DYM: variants seen among roughly 807,000 people sequenced by gnomAD.
DYM encodes the protein dyggve-Melchior-Clausen syndrome protein.
Under a neutral mutation model 93.1 loss-of-function variants are expected in DYM, and 78 were observed. The observed-to-expected ratio is 0.84, with a 90% CI of 0.70 to 1.01. The LOEUF is 1.01. DYM is among the 50% of genes least tolerant of loss of function. The probability of loss-of-function intolerance (pLI) is 0.00; values close to 1 mark genes in which losing one functional copy is unlikely to be tolerated. For missense variants in DYM, 789 were observed against 845.0 expected, an observed-to-expected ratio of 0.93 and a Z score of 0.82; for synonymous variants, 321 against 319.7, an observed-to-expected ratio of 1.00 and a Z score of -0.04.
At chr18:49,320,716 G>A (rs1443688913) in intron 8 of DYM, among the ~76,000 whole-genome samples, 16 of 152,072 alleles carry the variant, frequency 1.1e-4, no homozygotes, top group African/African-American at 3.1e-4. Flanking sequence ...CAGGTGATCC[G>A]CCTGCCTGGG....
At chr18:49,174,011 G>C (rs1436611019) in intron 14 of DYM, among the ~76,000 whole-genome samples, 1 of 152,088 alleles carries the variant, frequency 6.6e-6, no homozygotes, top group Non-Finnish European at 1.5e-5. Context: ...TCAGGTTGAA[G>C]AAATTCCCTC....
chr18:49,103,587 G>A (rs895512142), intron 16 of DYM, among the ~76,000 whole-genome samples: 122 of 152,216 alleles, frequency 8.0e-4, no homozygotes, highest in Middle Eastern at 3.4e-3. Flanking sequence ...ATTAATTTTT[G>A]TATAAGGTGT....
intron 2 of DYM, among the ~76,000 whole-genome samples, chr18:49,414,623 C>A (rs948171009): frequency 2.6e-5 from 4 of 152,136 alleles, no homozygotes; most frequent in African/African-American, 9.7e-5. Context: ...CCACTTCAGC[C>A]TCTTTACACT....
intron 17 of DYM, among the ~76,000 whole-genome samples, chr18:49,082,539 T>A (rs541506110): frequency 6.6e-6 from 1 of 152,246 alleles, no homozygotes; most frequent in South Asian, 2.1e-4. Context: ...TAGGGTGACA[T>A]AAACATAGAA....
chr18:49,291,493 G>A (rs1568185480), intron 8 of DYM, among the ~76,000 whole-genome samples: 2 of 152,120 alleles, frequency 1.3e-5, no homozygotes, highest in Non-Finnish European at 2.9e-5. Flanking sequence ...GGGAAGGGGG[G>A]AAATAGTCCC....
chr18:49,311,143 G>A (rs942697826), intron 8 of DYM, among the ~76,000 whole-genome samples: 7 of 152,174 alleles, frequency 4.6e-5, no homozygotes, highest in Non-Finnish European at 1.0e-4. Context: ...TAAGCAGAGG[G>A]ACAACAGGAC....
Position 49,263,164 on chromosome 18 carries a change from G to C in DYM, c.1252-4671C>G, listed in dbSNP as rs199830628. On this transcript the variant is annotated intron_variant, in intron 11 of 17. Transcript: ENST00000675505. The stretch of plus-strand genomic sequence containing the variant: ...TTGGAGCCTCACTCTTATCATCCAG[G>C]CTGGAGTGCAATGGCACGATCTCGG... Among the ~76,000 whole-genome samples the C allele has an allele frequency of 4.0e-5, 6 of 151,596 alleles. No homozygotes were observed. In the East Asian group the frequency reaches 1.2e-3, roughly 30 times the overall value.
At chr18:49,088,136 A>T (rs1264958607) in intron 17 of DYM, among the ~76,000 whole-genome samples, 1 of 151,936 alleles carries the variant, frequency 6.6e-6, no homozygotes, top group Non-Finnish European at 1.5e-5. Flanking sequence ...CCCATTTGTC[A>T]ATTTTGGCTT....
At chr18:49,449,351 C>G (rs372322323) in intron 1 of DYM, among the ~76,000 whole-genome samples, 1 of 151,968 alleles carries the variant, frequency 6.6e-6, no homozygotes, top group African/African-American at 2.4e-5. Context: ...AGGCCTAAAA[C>G]GAAAAGAGAA....
At chr18:49,253,938 G>GT (rs1298378450) in intron 13 of DYM, among the ~76,000 whole-genome samples, 6 of 152,172 alleles carry the variant, frequency 3.9e-5, no homozygotes, top group African/African-American at 1.4e-4. Flanking sequence ...AGCCCCAGCT[G>GT]TTTCTTTCAG....
intron 2 of DYM, among the ~76,000 whole-genome samples, chr18:49,426,343 C>T (rs889563585): frequency 5.2e-5 from 7 of 133,920 alleles, no homozygotes; most frequent in Non-Finnish European, 6.1e-5. Flanking sequence ...GGGAATTGAA[C>T]AATGAAAACA....
chr18:49,383,286 AT>A lies in DYM; in HGVS notation c.194-3529del, dbSNP rs199592335. Among the ~76,000 whole-genome samples, 7 of 151,538 alleles carry A rather than the reference AT, an allele frequency of 4.6e-5. No individual in the cohort carries two copies. In the East Asian group the frequency reaches 5.8e-4, roughly 13 times the overall value. On this transcript the variant is annotated intron_variant, in intron 3 of 17. Transcript: ENST00000675505. ...GTTGTTTTTTTAATAAGATAGTGGT[AT>A]TTTTTTTTAAGAATCCTTATTTAGA... is the stretch of plus-strand genomic sequence containing the variant.
chr18:49,252,557 A>AT (rs1268748685), intron 13 of DYM, among the ~76,000 whole-genome samples: 2 of 152,156 alleles, frequency 1.3e-5, no homozygotes, highest in Non-Finnish European at 2.9e-5. Flanking sequence ...TCAAGATGAG[A>AT]TTTTGGGTGG....
intron 8 of DYM, among the ~76,000 whole-genome samples, chr18:49,316,764 C>CTT (rs149932329): frequency 6.0e-5 from 9 of 149,172 alleles, no homozygotes; most frequent in East Asian, 5.9e-4. Context: ...TACTATCTCT[C>CTT]TTTTTTTTTT....
intron 8 of DYM, among the ~76,000 whole-genome samples, chr18:49,302,672 A>G (rs2061009616): frequency 1.3e-5 from 2 of 152,224 alleles, no homozygotes; most frequent in Non-Finnish European, 2.9e-5. Context: ...CTGCTATTTA[A>G]TGATGATCCA....
rs1299878114 is a variant in DYM, at chr18:49,393,087, GGGAGGGAAGGAAGGAAGGAA to G, written c.141-1462_141-1443del. On this transcript the variant is annotated intron_variant, in intron 2 of 17. Transcript: ENST00000675505. Reference sequence around the variant, plus strand: ...AGGAGGAGGAGGAGGAAAGAAGGGAGGGAGGGAAGGAAGGAAGGAAGGAAGGAAGGAAGGAAGGAAGGAAG... The same window carrying G: ...AGGAGGAGGAGGAGGAAAGAAGGGAGGGAAGGAAGGAAGGAAGGAAGGAAG... Among the ~76,000 whole-genome samples the G allele has an allele frequency of 6.5e-4, 55 of 84,942 alleles. 5 individuals are homozygous for G. The highest frequency in any genetic ancestry group is 1.9e-3 in the African/African-American group (50 of 25,674). The allele number at this position is 84,942 out of a possible 152,430, so 55.7% of individuals were successfully genotyped here. A position where few individuals can be genotyped will look rare whatever the true frequency, so the allele number is the denominator to read the frequency against.
At chr18:49,350,173 C>G (rs766823752) in intron 6 of DYM, among the ~76,000 whole-genome samples, 2 of 152,032 alleles carry the variant, frequency 1.3e-5, no homozygotes, top group African/African-American at 4.8e-5. Context: ...ATGGCTATAT[C>G]TGTATATATG....
intron 2 of DYM, among the ~76,000 whole-genome samples, chr18:49,418,819 C>A (rs2073304902): frequency 6.6e-6 from 1 of 152,034 alleles, no homozygotes; most frequent in Non-Finnish European, 1.5e-5. Flanking sequence ...CTACTCAGTC[C>A]CAAGGTCAAA....
At chr18:49,171,859 T>C (rs1013101405) in intron 14 of DYM, among the ~76,000 whole-genome samples, 7 of 152,192 alleles carry the variant, frequency 4.6e-5, no homozygotes, top group South Asian at 2.1e-4. Context: ...ATCAGCTTTA[T>C]TGAGAAATAA....
Sources: gnomAD v4.1 joint callset for allele counts (sites outside exome capture counted in the v4.1 genomes callset) on GRCh38, gnomAD v4.1.1 for gene constraint, MANE v1.5 for transcripts, NCBI Gene and HGNC (gene_info 2026-07-23, HGNC 2026-07-21) for gene names.